Variants in PIGT observed in about 807,000 individuals in gnomAD.
PIGT encodes GPI-anchor transamidase component PIGT.
Under a neutral mutation model 66.7 loss-of-function variants are expected in PIGT, and 57 were observed. The observed-to-expected ratio is 0.86, with a 90% CI of 0.69 to 1.07. The LOEUF is 1.07. PIGT is among the 50% of genes least tolerant of loss of function. The pLI is 0.00. For missense variants in PIGT, 725 were observed against 740.4 expected (o/e 0.98, Z 0.24); for synonymous variants, 362 against 320.5 (o/e 1.13, Z -1.38).
chr20:45,418,984 G>C lies in PIGT; in HGVS notation c.493+5G>C. 2 of 1,614,112 alleles carry C rather than the reference G, an allele frequency of 1.2e-6. No homozygotes were observed. The highest frequency in any genetic ancestry group is 1.7e-6 in the Non-Finnish European group (2 of 1,179,980). Reference sequence around the variant, plus strand: ...AACCCCTGGGTCTGGCCAATGGTGAGATAACCCCTACAGCCCTTTCCTTCT... The same window carrying C: ...AACCCCTGGGTCTGGCCAATGGTGACATAACCCCTACAGCCCTTTCCTTCT... On this transcript the variant is annotated splice_donor_5th_base_variant and intron_variant, in intron 3 of 11. Transcript: ENST00000279036.
In PIGT at chr20:45,420,651, A is replaced by C. The variant is rs946418622; in HGVS notation, c.991A>C (p.Asn331His). ...LDTAMINNSR[N>H]LNIQLKWKRP... ...CACCGCCATGATCAACAACTCTCGA[A>C]ACCTCAACATCCAGCTCAAGTGGAA... Residue 331 changes from asparagine (N) to histidine (H), a missense_variant, in exon 8 of 12, where the codon AAC (asparagine) becomes CAC (histidine). Asn to His is a moderately conservative substitution (Grantham distance 68). Coordinates refer to ENST00000279036, the MANE Select transcript of PIGT (RefSeq NM_015937.6). The C allele has an allele frequency of 6.2e-7, 1 of 1,613,702 alleles. No homozygotes were observed. Among genetic ancestry groups the C allele is most frequent in the African/African-American group, 1.3e-5 (1 of 74,826 alleles).
At chr20:45,421,672 C>A in intron 9 of PIGT, 89 bp downstream of exon 9, 3 of 1,042,612 alleles carry the variant, frequency 2.9e-6, no homozygotes, top group Non-Finnish European at 4.3e-6. Context: ...AGGGTAGTTC[C>A]TGAAGTACCT....
chr20:45,425,991 A>C lies in PIGT; in HGVS notation c.*165A>C. ...GTCCAGTACAGGAGCCACGAGCCAA[A>C]TGTGGCATTTGAATTTGAATTAACT... On this transcript the variant is annotated 3_prime_UTR_variant, in exon 12 of 12. Coordinates refer to ENST00000279036, the MANE Select transcript of PIGT (RefSeq NM_015937.6). 1.4e-6 allele frequency: 1 copy of C among 708,494 alleles called. No individual in the cohort carries two copies. The highest frequency in any genetic ancestry group is 2.3e-6 in the Non-Finnish European group (1 of 436,514). The allele number at this position is 708,494 out of a possible 1,614,324, so 43.9% of individuals were successfully genotyped here. A position where few individuals can be genotyped will look rare whatever the true frequency, so the allele number is the denominator to read the frequency against.
At position 45,425,739 on chromosome 20, in the gene PIGT, C is replaced by T. The variant is rs1055553883; in HGVS notation, c.1650C>T (p.Thr550=). 1.9e-5 allele frequency: 31 copies of T among 1,614,014 alleles called. No homozygotes were observed. Among genetic ancestry groups the T allele is most frequent in the Non-Finnish European group, 2.6e-5 (31 of 1,179,978 alleles). ...CCTTCTACAATCTCCTCACCCGAAC[C>T]TTCCACATCGAGGAGCCCCGCACAG... ...YGSFYNLLTR[T]FHIEEPRTGG... Residue 550 remains threonine (T), a synonymous_variant, in exon 12 of 12, where the codon ACC becomes ACT. Transcript: ENST00000279036.
chr20:45,420,338 C>A lies in PIGT; in HGVS notation c.776C>A (p.Ser259Tyr), dbSNP rs756518985. 1.2e-6 allele frequency: 2 copies of A among 1,612,626 alleles called. No homozygotes were observed. Among genetic ancestry groups the A allele is most frequent in the South Asian group, 1.1e-5 (1 of 90,696 alleles). Reference protein sequence around the residue: ...FITGQGKKDWSLFRMFSRTLT... With the variant: ...FITGQGKKDWYLFRMFSRTLT... ...CCTGCGCTCTGTTTCTCAGACTGGT[C>A]CCTCTTCCGGATGTTCTCCCGAACC... Residue 259 changes from serine to tyrosine, a missense_variant, in exon 7 of 12, where the codon TCC (serine) becomes TAC (tyrosine). Transcript: ENST00000279036.
chr20:45,418,744 T>G, intron 2 of PIGT, 108 bp from the exon 3 acceptor site: 1 of 1,405,138 alleles, frequency 7.1e-7, no homozygotes, highest in Non-Finnish European at 1.0e-6. Context: ...CGTCTAATAG[T>G]TAAGAATACA....
At chr20:45,421,858 C>T (rs1213458961) in intron 9 of PIGT, 9 of 391,614 alleles carry the variant, frequency 2.3e-5, no homozygotes, top group Non-Finnish European at 3.7e-5. Flanking sequence ...CTTACTTTTG[C>T]CTCCTTTCTG....
rs777037930 is a variant in PIGT at position 45,420,497 on chromosome 20, T to C, written c.868-31T>C. On this transcript the variant is annotated intron_variant, in intron 7 of 11. Transcript: ENST00000279036. ...CCCAGGACCAGCCTACCCTCTCTGC[T>C]TGCTTCTTAGCCCTGCCTTTGTGTC... The C allele has an allele frequency of 2.5e-6, 4 of 1,613,196 alleles. No individual in the cohort carries two copies. In the East Asian group the frequency reaches 6.7e-5, roughly 27 times the overall value.
intron 9 of PIGT, chr20:45,422,253 A>G (rs1990410556): frequency 6.6e-6 from 1 of 152,082 alleles, no homozygotes; most frequent in Non-Finnish European, 1.5e-5. Flanking sequence ...TATATTTTCA[A>G]ACATACGGTG....
chr20:45,420,097 T>A, intron 5 of PIGT, 39 bp from the exon 6 acceptor site: 1 of 1,418,720 alleles, frequency 7.0e-7, no homozygotes, highest in Middle Eastern at 2.1e-4. Flanking sequence ...GTGGTGAGAG[T>A]GATACCCCCT....
rs751741711 is a variant in PIGT, at chr20:45,425,648, C to T, written c.1559C>T (p.Pro520Leu). The change falls in exon 12 of 12, where the codon CCG (proline) becomes CTG (leucine). Residue 520 changes from proline (P) to leucine (L), a missense_variant. By Grantham distance (98) the Pro-to-Leu change is moderately conservative. Around this residue, in one of 3 missense-constraint regions of PIGT, gnomAD observed 162 missense variants for 171.1 expected, o/e 0.95. Transcript: ENST00000279036. ...TEPLLVNLPT[P>L]DFSMPYNVIC... Reference sequence around the variant, plus strand: ...CCGCTGCTGGTGAACCTGCCGACACCGGACTTCAGCATGCCCTACAACGTG... The same window carrying T: ...CCGCTGCTGGTGAACCTGCCGACACTGGACTTCAGCATGCCCTACAACGTG... 7.4e-6 allele frequency: 12 copies of T among 1,613,956 alleles called. No homozygotes were observed. The highest frequency in any genetic ancestry group is 4.0e-5 in the African/African-American group (3 of 74,914).
chr20:45,417,890 C>T (rs1990085750), intron 2 of PIGT: 1 of 152,174 alleles, frequency 6.6e-6, no homozygotes, highest in South Asian at 2.1e-4. Context: ...AAGGAATAAG[C>T]AGTAACTCCC....
At position 45,416,309 on chromosome 20, in the gene PIGT, C is replaced by T. The variant is rs548798904; in HGVS notation, c.153C>T (p.Arg51=). The T allele has an allele frequency of 5.0e-6, 8 of 1,595,876 alleles. No homozygotes were observed. The highest frequency in any genetic ancestry group is 2.3e-5 in the South Asian group (2 of 88,716). ...SGDVAATFQF[R]TRWDSELQRE... is the part of the protein sequence containing the mutation. ...ACGTAGCCGCCACATTCCAGTTCCG[C>T]ACGCGCTGGGATTCGGAGCTTCAGC... Residue 51 remains arginine (R), a synonymous_variant, in exon 1 of 12, where the codon CGC becomes CGT. Coordinates refer to ENST00000279036, the MANE Select transcript of PIGT (RefSeq NM_015937.6).
rs1270892969 is a variant in PIGT, at chr20:45,416,324, G to A, written c.168G>A (p.Ser56=). The change falls in exon 1 of 12, where the codon TCG becomes TCA. Residue 56 remains serine, a synonymous_variant. Coordinates refer to ENST00000279036, the MANE Select transcript of PIGT (RefSeq NM_015937.6). ...ATFQFRTRWD[S]ELQREGVSHY... ...TCCAGTTCCGCACGCGCTGGGATTCGGAGCTTCAGCGGGAAGGAGGTGAGG... is the reference window on the plus strand; with the variant it reads ...TCCAGTTCCGCACGCGCTGGGATTCAGAGCTTCAGCGGGAAGGAGGTGAGG... 1.3e-6 allele frequency: 2 copies of A among 1,591,142 alleles called. No homozygotes were observed. The highest frequency in any genetic ancestry group is 1.7e-6 in the Non-Finnish European group (2 of 1,166,576).
intron 5 of PIGT, 160 bp from the exon 6 acceptor site, chr20:45,419,976 A>G (rs1990246929): frequency 1.6e-6 from 1 of 625,962 alleles, no homozygotes; most frequent in South Asian, 1.9e-5. Flanking sequence ...AGCTGTCAGC[A>G]CGGGGTCTGG....
At chr20:45,418,472 A>G (rs1288305766) in intron 2 of PIGT, 2 of 307,840 alleles carry the variant, frequency 6.5e-6, no homozygotes, top group Admixed American at 4.7e-5. Flanking sequence ...TTGGATGGTC[A>G]GAACCGTGAC....
chr20:45,420,826 G>C, intron 8 of PIGT, 133 bp downstream of exon 8: 5 of 868,412 alleles, frequency 5.8e-6, no homozygotes, highest in Non-Finnish European at 9.1e-6. Context: ...GCTGACTGTA[G>C]CTATTCCAAG....
intron 8 of PIGT, chr20:45,421,170 C>T (rs1424337320): frequency 1.4e-5 from 8 of 584,714 alleles, no homozygotes; most frequent in East Asian, 5.6e-5. Context: ...GTGTTCGTCA[C>T]GTAAGCACTT....
intron 2 of PIGT, chr20:45,417,762 G>C (rs1329190784): frequency 6.6e-6 from 1 of 152,196 alleles, no homozygotes; most frequent in African/African-American, 2.4e-5. Context: ...CATGTTTATG[G>C]TTTGAGTAGA....
Sources: allele counts gnomAD v4.1 joint callset, GRCh38; gene constraint gnomAD v4.1.1; regional missense constraint gnomAD v4.1.1; transcripts MANE v1.5; gene names NCBI Gene and HGNC (gene_info 2026-07-23, HGNC 2026-07-21).